Variants in GPHN observed in about 807,000 individuals in gnomAD.
GPHN encodes the protein gephyrin.
In GPHN, 17 loss-of-function variants were observed where a neutral mutation model predicts 95.5. That is an observed-to-expected ratio of 0.18 (90% CI 0.12 to 0.27). GPHN has a LOEUF of 0.27. Among genes scored for constraint, GPHN ranks in the 10% least tolerant of loss-of-function variants. The pLI is 1.00. For synonymous variants in GPHN, 320 were observed against 322.5 expected (o/e 0.99, Z 0.08); for missense variants, 660 against 978.1 (o/e 0.67, Z 4.34).
chr14:67,720,487 C>G, the GPHN span, among the ~76,000 whole-genome samples: 1 of 152,176 alleles, frequency 6.6e-6, no homozygotes, highest in Non-Finnish European at 1.5e-5. Context: ...ATACTTACGT[C>G]TTTGAGGTAT....
At chr14:67,492,006 G>T in the GPHN span, among the ~76,000 whole-genome samples, 2 of 152,064 alleles carry the variant, frequency 1.3e-5, no homozygotes, top group South Asian at 4.1e-4. Context: ...AAGCTGCATT[G>T]CCCCACCTGC....
chr14:67,133,774 T>C (rs572897962), intron 17 of GPHN, among the ~76,000 whole-genome samples: 1 of 152,296 alleles, frequency 6.6e-6, no homozygotes, highest in African/African-American at 2.4e-5. Flanking sequence ...CCTTTCTCTT[T>C]TTCTACCTTT....
the GPHN span, among the ~76,000 whole-genome samples, chr14:67,480,695 G>A: frequency 3.9e-5 from 6 of 152,144 alleles, no homozygotes; most frequent in Admixed American, 1.3e-4. Context: ...CCCAGGGCCC[G>A]GGCTGAGGGA....
At chr14:67,148,558 C>CTTTTTTTTTT (rs368140123) in intron 18 of GPHN, among the ~76,000 whole-genome samples, 4 of 109,048 alleles carry the variant, frequency 3.7e-5, no homozygotes, top group African/African-American at 7.7e-5. Context: ...ACTTTATTTG[C>CTTTTTTTTTT]TTTTTTTTTT....
At chr14:67,411,029 C>G in the GPHN span, among the ~76,000 whole-genome samples, 5 of 151,582 alleles carry the variant, frequency 3.3e-5, no homozygotes, top group Admixed American at 1.3e-4. Context: ...TACCTGTAGT[C>G]CCAGCTACTA....
At chr14:67,196,235 T>G in the GPHN span, among the ~76,000 whole-genome samples, 1 of 151,324 alleles carries the variant, frequency 6.6e-6, no homozygotes, top group Non-Finnish European at 1.5e-5. Context: ...TTTTTTTTTT[T>G]GATGGAGTTT....
chr14:67,257,319 A>C, the GPHN span, among the ~76,000 whole-genome samples: 1 of 151,902 alleles, frequency 6.6e-6, no homozygotes, highest in Non-Finnish European at 1.5e-5. Flanking sequence ...TCCTTTATCC[A>C]CAAGGAATTT....
At chr14:66,904,217 T>C (rs922641831) in intron 5 of GPHN, among the ~76,000 whole-genome samples, 28 of 152,010 alleles carry the variant, frequency 1.8e-4, no homozygotes, top group Middle Eastern at 3.2e-3. Context: ...GCAAGATTTA[T>C]TGTGAAGAGT....
intron 2 of GPHN, among the ~76,000 whole-genome samples, chr14:66,751,164 C>T (rs1432895979): frequency 6.6e-6 from 1 of 151,882 alleles, no homozygotes; most frequent in African/African-American, 2.4e-5. Flanking sequence ...TACACATTCA[C>T]GTGTCTTTAT....
At chr14:67,320,076 ATTG>A in the GPHN span, among the ~76,000 whole-genome samples, 5 of 152,194 alleles carry the variant, frequency 3.3e-5, no homozygotes, top group African/African-American at 7.2e-5. Flanking sequence ...GGAGTATTAT[ATTG>A]TTGTCTGATT....
chr14:67,691,437 C>A, the GPHN span: 62 of 529,092 alleles, frequency 1.2e-4, no homozygotes, highest in African/African-American at 1.1e-3. Flanking sequence ...TACTATGGGG[C>A]AGAATTCCAT....
chr14:67,648,528 T>C, the GPHN span: 2 of 171,324 alleles, frequency 1.2e-5, no homozygotes. Flanking sequence ...TGCAAGGCTG[T>C]AATTTGCACT....
At chr14:66,533,417 G>T (rs900049971) in intron 1 of GPHN, among the ~76,000 whole-genome samples, 4 of 152,108 alleles carry the variant, frequency 2.6e-5, no homozygotes, top group Admixed American at 6.6e-5. Context: ...CCTTCCTTTG[G>T]AAAGGGACCA....
chr14:67,525,870 T>C, the GPHN span, among the ~76,000 whole-genome samples: 1 of 152,152 alleles, frequency 6.6e-6, no homozygotes, highest in Non-Finnish European at 1.5e-5. Context: ...CCCAGGAAAT[T>C]TCTACTTTCA....
intron 1 of GPHN, among the ~76,000 whole-genome samples, chr14:66,587,593 T>C (rs2061474004): frequency 3.9e-5 from 6 of 152,190 alleles, no homozygotes. Flanking sequence ...GTGGAGGTCA[T>C]ACACTACATT....
At chr14:67,727,220 A>G in the GPHN span, 2 of 1,582,388 alleles carry the variant, frequency 1.3e-6, no homozygotes, top group Non-Finnish European at 1.7e-6. Flanking sequence ...AATAGCAAAA[A>G]TGGTCCTCAG....
At chr14:67,199,118 C>G in the GPHN span, 1 of 1,317,238 alleles carries the variant, frequency 7.6e-7, no homozygotes, top group Non-Finnish European at 1.1e-6. Context: ...ACGTGGGGGG[C>G]CTGAATGAGA....
intron 1 of GPHN, among the ~76,000 whole-genome samples, chr14:66,586,986 T>C (rs1219243969): frequency 6.6e-6 from 1 of 151,766 alleles, no homozygotes; most frequent in East Asian, 1.9e-4. Context: ...AGATAAACAG[T>C]TGACAAACTT....
chr14:67,635,149 T>C, the GPHN span, among the ~76,000 whole-genome samples: 2 of 152,130 alleles, frequency 1.3e-5, no homozygotes, highest in African/African-American at 2.4e-5. Context: ...GAGGCTGATA[T>C]GTGAGAATTG....
Sources: allele counts gnomAD v4.1 joint callset (sites outside exome capture counted in the v4.1 genomes callset), GRCh38; gene constraint gnomAD v4.1.1; transcripts MANE v1.5; gene names NCBI Gene and HGNC (gene_info 2026-07-23, HGNC 2026-07-21).